SDK1: variants seen among roughly 807,000 people sequenced by gnomAD.
SDK1 encodes protein sidekick-1.
A neutral mutation model predicts 245.5 loss-of-function variants in SDK1; 157 were observed. That is an observed-to-expected ratio of 0.64 (90% confidence interval 0.56 to 0.73). The LOEUF is 0.73. SDK1 is among the 30% of genes least tolerant of loss of function. The pLI is 0.00. For missense variants in SDK1, 3,583 were observed against 3,002.3 expected, an observed-to-expected ratio of 1.19 and a Z score of -4.52; for synonymous variants, 1,647 against 1,278.5, an observed-to-expected ratio of 1.29 and a Z score of -6.15.
intron 9 of SDK1, among the ~76,000 whole-genome samples, chr7:3,964,772 G>A (rs1169786530): frequency 1.3e-5 from 2 of 152,194 alleles, no homozygotes; most frequent in South Asian, 2.1e-4. Flanking sequence ...CAGTGTCACT[G>A]TGTGCACAGC....
At chr7:4,044,608 T>C (rs1788881817) in intron 17 of SDK1, among the ~76,000 whole-genome samples, 1 of 151,924 alleles carries the variant, frequency 6.6e-6, no homozygotes, top group African/African-American at 2.4e-5. Context: ...CATGCCTGGC[T>C]ACTTTTTTTA....
rs186105576 is a variant in SDK1 at position 3,595,301 on chromosome 7, A to C, written c.299-23779A>C. 1.6e-4 allele frequency among the ~76,000 whole-genome samples: 25 copies of C among 152,192 alleles called. No homozygotes were observed. In the East Asian group the frequency reaches 4.4e-3, roughly 27 times the overall value. On this transcript the variant is annotated intron_variant, in intron 1 of 44. Transcript: ENST00000404826. The stretch of plus-strand genomic sequence containing the variant: ...AACTTTATGATATTTTGCTTGTAAA[A>C]AATTATATATAAATTCATTTATATA...
chr7:3,748,706 T>C (rs1779693675), intron 4 of SDK1, among the ~76,000 whole-genome samples: 1 of 152,212 alleles, frequency 6.6e-6, no homozygotes, highest in Non-Finnish European at 1.5e-5. Flanking sequence ...CATCACACAA[T>C]CACAGGGCAA....
At chr7:3,352,997 A>G (rs1050888100) in intron 1 of SDK1, among the ~76,000 whole-genome samples, 4 of 152,204 alleles carry the variant, frequency 2.6e-5, no homozygotes, top group African/African-American at 9.6e-5. Context: ...AAAACAAGAC[A>G]TAAAGGGTAT....
At chr7:3,838,714 A>G (rs1284270273) in intron 5 of SDK1, among the ~76,000 whole-genome samples, 4 of 152,226 alleles carry the variant, frequency 2.6e-5, no homozygotes, top group Non-Finnish European at 5.9e-5. Context: ...CAACTGGGGC[A>G]TCACCTCATC....
chr7:3,912,661 C>G (rs1779215369), intron 5 of SDK1, among the ~76,000 whole-genome samples: 1 of 152,246 alleles, frequency 6.6e-6, no homozygotes, highest in East Asian at 1.9e-4. Context: ...CTCCTGCCCC[C>G]TGGGCCCACC....
intron 5 of SDK1, among the ~76,000 whole-genome samples, chr7:3,848,735 G>A (rs1157319895): frequency 4.0e-5 from 6 of 151,596 alleles, no homozygotes; most frequent in African/African-American, 9.7e-5. Context: ...GCAGTGGCGC[G>A]ATCACGGCTC....
intron 22 of SDK1, among the ~76,000 whole-genome samples, chr7:4,097,265 G>T (rs1782213665): frequency 1.3e-5 from 1 of 77,616 alleles, no homozygotes; most frequent in South Asian, 4.1e-4. Flanking sequence ...GACAGCTCCT[G>T]TACGGCCAGG....
intron 1 of SDK1, among the ~76,000 whole-genome samples, chr7:3,419,165 C>G (rs997100761): frequency 6.6e-6 from 1 of 152,184 alleles, no homozygotes; most frequent in Non-Finnish European, 1.5e-5. Flanking sequence ...CCTATTTAAT[C>G]TTTGCAGCAA....
intron 1 of SDK1, among the ~76,000 whole-genome samples, chr7:3,607,441 C>G (rs368718084): frequency 3.9e-5 from 6 of 152,304 alleles, no homozygotes; most frequent in Non-Finnish European, 7.4e-5. Flanking sequence ...TCTCCCTAAA[C>G]TAGAAGATAA....
intron 5 of SDK1, among the ~76,000 whole-genome samples, chr7:3,850,433 G>T (rs1780390132): frequency 6.6e-6 from 1 of 152,228 alleles, no homozygotes; most frequent in Non-Finnish European, 1.5e-5. Flanking sequence ...TTCAGCCATT[G>T]TGGAAGACAA....
intron 4 of SDK1, among the ~76,000 whole-genome samples, chr7:3,720,906 C>T (rs1334446041): frequency 5.9e-5 from 9 of 152,162 alleles, no homozygotes; most frequent in Non-Finnish European, 7.3e-5. Context: ...CATCACACAT[C>T]GCTCATAATA....
chr7:3,321,552 T>C (rs1435160313), intron 1 of SDK1, among the ~76,000 whole-genome samples: 2 of 152,190 alleles, frequency 1.3e-5, no homozygotes, highest in Non-Finnish European at 2.9e-5. Context: ...TGTGTTTTTT[T>C]CCCCAACAGT....
chr7:3,819,453 A>G (rs760516477), intron 4 of SDK1, among the ~76,000 whole-genome samples: 1 of 151,982 alleles, frequency 6.6e-6, no homozygotes, highest in Non-Finnish European at 1.5e-5. Context: ...CATATTTGAA[A>G]TTACTATGGT....
intron 4 of SDK1, among the ~76,000 whole-genome samples, chr7:3,666,186 G>T: frequency 6.6e-6 from 1 of 152,146 alleles, no homozygotes; most frequent in East Asian, 1.9e-4. Flanking sequence ...AATCCTTTTA[G>T]TAGTTTCCGG....
intron 1 of SDK1, among the ~76,000 whole-genome samples, chr7:3,403,869 AAT>A (rs1554266409): frequency 6.9e-4 from 61 of 88,876 alleles, no homozygotes; most frequent in African/African-American, 1.1e-3. Context: ...ATATATATAT[AAT>A]ATATATATTT....
At chr7:3,867,451 G>C (rs1213042001) in intron 5 of SDK1, among the ~76,000 whole-genome samples, 2 of 152,178 alleles carry the variant, frequency 1.3e-5, no homozygotes, top group African/African-American at 2.4e-5. Context: ...AAGAAAAAGA[G>C]GTTTAATGGA....
In SDK1 at chr7:4,259,312, A is replaced by ACG. The variant is rs1184013649; in HGVS notation, c.6382-5811_6382-5810insGC. Among the ~76,000 whole-genome samples, 76 of 152,228 alleles carry ACG rather than the reference A, an allele frequency of 5.0e-4. 3 individuals are homozygous for ACG. The highest frequency in any genetic ancestry group is 1.7e-3 in the African/African-American group (69 of 41,544). ...AAATTAGCCAGGTGTGGTGGCGGGC[A>ACG]CCTGTAATCCCAGATAGGAGGCTGA... On this transcript the variant is annotated intron_variant, in intron 44 of 44. Coordinates refer to ENST00000404826, the MANE Select transcript of SDK1 (RefSeq NM_152744.4).
At chr7:3,642,708 A>G (rs1330875674) in intron 4 of SDK1, 2 of 152,246 alleles carry the variant, frequency 1.3e-5, no homozygotes, top group African/African-American at 2.4e-5. Context: ...ATATTTATCT[A>G]ATGCCCGACA....
Sources: gnomAD v4.1 joint callset for allele counts (sites outside exome capture counted in the v4.1 genomes callset) on GRCh38, gnomAD v4.1.1 for gene constraint, MANE v1.5 for transcripts, NCBI Gene and HGNC (gene_info 2026-07-23, HGNC 2026-07-21) for gene names.